Variants in MYO16 observed in about 807,000 individuals in gnomAD.
MYO16 encodes myosin XVI.
Under a neutral mutation model 205.3 loss-of-function variants are expected in MYO16, and 94 were observed. The observed-to-expected ratio is 0.46, with a 90% CI of 0.39 to 0.54. The LOEUF is 0.54. MYO16 is among the 20% of genes least tolerant of loss of function. MYO16 has a pLI of 0.00. For missense variants in MYO16, 2,315 were observed against 2,387.5 expected (o/e 0.97, Z 0.63); for synonymous variants, 988 against 954.0 (o/e 1.04, Z -0.66).
intron 22 of MYO16, among the ~76,000 whole-genome samples, chr13:109,010,757 C>T (rs1182095360): frequency 6.6e-6 from 1 of 151,876 alleles, no homozygotes; most frequent in African/African-American, 2.4e-5. Context: ...CTGATGCTCA[C>T]AGATCAATAG....
chr13:108,849,152 C>T (rs555479553), intron 10 of MYO16, among the ~76,000 whole-genome samples: 5 of 151,896 alleles, frequency 3.3e-5, no homozygotes, highest in East Asian at 3.9e-4. Context: ...CTGGTCATTC[C>T]GGTCAACACG....
At chr13:108,806,371 T>C (rs1186382180) in intron 6 of MYO16, among the ~76,000 whole-genome samples, 3 of 152,176 alleles carry the variant, frequency 2.0e-5, no homozygotes, top group African/African-American at 7.2e-5. Flanking sequence ...TTTTCAATTA[T>C]TATATTCTGT....
intron 2 of MYO16, among the ~76,000 whole-genome samples, chr13:108,667,506 C>T (rs1881793648): frequency 6.6e-6 from 1 of 152,094 alleles, no homozygotes. Flanking sequence ...TTATTCTCTT[C>T]TCACCTATGG....
intron 31 of MYO16, among the ~76,000 whole-genome samples, chr13:109,131,247 G>A (rs542589122): frequency 2.6e-5 from 4 of 152,332 alleles, no homozygotes; most frequent in Admixed American, 1.3e-4. Flanking sequence ...AATTCAGATG[G>A]TTACAGAGTG....
chr13:108,911,884 G>A (rs1452042014), intron 16 of MYO16, among the ~76,000 whole-genome samples: 1 of 152,192 alleles, frequency 6.6e-6, no homozygotes, highest in Non-Finnish European at 1.5e-5. Context: ...AGGGATATGA[G>A]GTAAAGAGAT....
chr13:108,757,700 A>T (rs145243569), intron 4 of MYO16, among the ~76,000 whole-genome samples: 2 of 151,996 alleles, frequency 1.3e-5, no homozygotes, highest in African/African-American at 4.8e-5. Flanking sequence ...TCATTGTTCA[A>T]TTCCCACCTA....
intron 34 of MYO16, among the ~76,000 whole-genome samples, chr13:109,188,187 T>C (rs1417941915): frequency 2.0e-5 from 3 of 152,230 alleles, no homozygotes; most frequent in Admixed American, 6.5e-5. Context: ...GCAAGGTATA[T>C]TTTTTCATCC....
rs1210193219 is a variant in MYO16 at position 109,140,194 on chromosome 13, G to A, written c.4052-70G>A. The A allele has an allele frequency of 7.7e-6, 12 of 1,562,968 alleles. No homozygotes were observed. Among genetic ancestry groups the A allele is most frequent in the African/African-American group, 1.4e-5 (1 of 71,870 alleles). ...ACGGGGCCGTGGCTCCCTCCGAGTCGAGCCCCGGGCTTGGTGGGCACCCGT... is the reference window on the plus strand; with the variant it reads ...ACGGGGCCGTGGCTCCCTCCGAGTCAAGCCCCGGGCTTGGTGGGCACCCGT... On this transcript the variant is annotated intron_variant, in intron 31 of 34. Transcript: ENST00000457511. The surrounding 1 kb of genome is among the most constrained non-coding windows in gnomAD (Gnocchi z 8.0).
intron 16 of MYO16, among the ~76,000 whole-genome samples, chr13:108,937,470 T>C (rs1882539890): frequency 6.6e-6 from 1 of 152,208 alleles, no homozygotes; most frequent in Non-Finnish European, 1.5e-5. Context: ...TTTCGACTTG[T>C]TTACTTTATA....
intron 3 of MYO16, among the ~76,000 whole-genome samples, chr13:108,715,225 G>A (rs928171213): frequency 1.3e-5 from 2 of 152,122 alleles, no homozygotes; most frequent in East Asian, 1.9e-4. Flanking sequence ...TGCTCTTGCC[G>A]GGTTTCCACC....
chr13:109,131,505 C>T (rs1876536611), intron 31 of MYO16, among the ~76,000 whole-genome samples: 1 of 152,168 alleles, frequency 6.6e-6, no homozygotes, highest in South Asian at 2.1e-4. Flanking sequence ...TCTTTGCAAA[C>T]TACCAGCAAG....
intron 18 of MYO16, 121 bp downstream of exon 18, chr13:108,961,777 A>C (rs1773274009): frequency 1.4e-6 from 1 of 720,196 alleles, no homozygotes; most frequent in Non-Finnish European, 2.4e-6. Flanking sequence ...CTATAGTAGA[A>C]TTCAGTGAGG....
intron 12 of MYO16, among the ~76,000 whole-genome samples, chr13:108,868,429 G>T (rs1487886276): frequency 6.6e-6 from 1 of 151,982 alleles, no homozygotes; most frequent in African/African-American, 2.4e-5. Flanking sequence ...ATCCTGTTTC[G>T]TGATGCGTGT....
intron 23 of MYO16, among the ~76,000 whole-genome samples, chr13:109,045,711 A>C (rs886304864): frequency 6.6e-6 from 1 of 152,202 alleles, no homozygotes; most frequent in Non-Finnish European, 1.5e-5. Flanking sequence ...GCAGATGCAA[A>C]TATAAAAGCC....
chr13:108,767,592 A>G (rs1885823917), intron 4 of MYO16, among the ~76,000 whole-genome samples: 1 of 152,044 alleles, frequency 6.6e-6, no homozygotes, highest in Admixed American at 6.5e-5. Context: ...ATTTGCAAGC[A>G]TTTCTTGCCT....
At chr13:109,071,212 T>C (rs559827908) in intron 27 of MYO16, among the ~76,000 whole-genome samples, 12 of 152,324 alleles carry the variant, frequency 7.9e-5, no homozygotes, top group Middle Eastern at 3.4e-3. Flanking sequence ...AACTTTAAAA[T>C]AGTATTCTTA....
At chr13:108,558,763 C>G in the MYO16 span, among the ~76,000 whole-genome samples, 1 of 152,288 alleles carries the variant, frequency 6.6e-6, no homozygotes, top group South Asian at 2.1e-4. Context: ...CCTTGGGATT[C>G]AAGGATCTGC....
At chr13:108,611,157 C>T (rs570678830) in intron 1 of MYO16, among the ~76,000 whole-genome samples, 2 of 152,148 alleles carry the variant, frequency 1.3e-5, no homozygotes, top group African/African-American at 4.8e-5. Context: ...ATTTAGCTTT[C>T]CATAAATAAG....
chr13:108,999,662 A>C (rs1160325694), intron 21 of MYO16, among the ~76,000 whole-genome samples: 1 of 152,198 alleles, frequency 6.6e-6, no homozygotes, highest in Non-Finnish European at 1.5e-5. Context: ...CATATAAACT[A>C]TACATTTAAT....
Sources: allele counts gnomAD v4.1 joint callset (sites outside exome capture counted in the v4.1 genomes callset), GRCh38; gene constraint gnomAD v4.1.1; non-coding constraint Gnocchi (gnomAD v3.1); transcripts MANE v1.5; gene names NCBI Gene and HGNC (gene_info 2026-07-23, HGNC 2026-07-21).